Variants in LDB2 observed in about 807,000 individuals in gnomAD.
The protein encoded by LDB2 is LIM domain-binding protein 2.
Under a neutral mutation model 44.3 loss-of-function variants are expected in LDB2, and 12 were observed. The ratio of observed to expected loss-of-function variants is 0.27; its 90% CI spans 0.17 to 0.44. The LOEUF is 0.44. Among genes scored for constraint, LDB2 ranks in the 20% least tolerant of loss-of-function variants. LDB2 has a pLI of 1.00. For synonymous variants in LDB2, 164 were observed against 174.8 expected (o/e 0.94, Z 0.49); for missense variants, 344 against 473.5 (o/e 0.73, Z 2.54).
At chr4:16,599,367 C>T (rs1266745562) in intron 2 of LDB2, among the ~76,000 whole-genome samples, 2 of 152,032 alleles carry the variant, frequency 1.3e-5, no homozygotes, top group Non-Finnish European at 1.5e-5. Flanking sequence ...TGGGGCCTGG[C>T]GAGGCATCAT....
At chr4:16,585,848 G>T in intron 5 of LDB2, 74 bp downstream of exon 5, 1 of 1,081,498 alleles carries the variant, frequency 9.2e-7, no homozygotes, top group Non-Finnish European at 1.4e-6. Flanking sequence ...TTAACTTCTT[G>T]GTTCAGGATG....
chr4:16,688,204 G>C (rs996695252), intron 2 of LDB2, among the ~76,000 whole-genome samples: 2 of 152,178 alleles, frequency 1.3e-5, no homozygotes, highest in African/African-American at 2.4e-5. Flanking sequence ...CCCACAGTAG[G>C]AATACAGAAG....
intron 1 of LDB2, among the ~76,000 whole-genome samples, chr4:16,794,256 T>C (rs1375899701): frequency 6.6e-6 from 1 of 152,112 alleles, no homozygotes; most frequent in Non-Finnish European, 1.5e-5. Context: ...ATATTCTATA[T>C]CCTGAAGGTG....
At chr4:16,882,854 C>T (rs1481740890) in intron 1 of LDB2, among the ~76,000 whole-genome samples, 2 of 152,102 alleles carry the variant, frequency 1.3e-5, no homozygotes, top group African/African-American at 4.8e-5. Context: ...AGCCAACAGG[C>T]ATTAACAGTC....
At chr4:16,840,349 C>CAT (rs779204710) in intron 1 of LDB2, among the ~76,000 whole-genome samples, 9 of 152,088 alleles carry the variant, frequency 5.9e-5, no homozygotes, top group East Asian at 1.9e-4. Flanking sequence ...TAAAAAGATA[C>CAT]ATATATATAT....
intron 1 of LDB2, among the ~76,000 whole-genome samples, chr4:16,855,180 T>G (rs1224144357): frequency 6.6e-6 from 1 of 152,116 alleles, no homozygotes; most frequent in Non-Finnish European, 1.5e-5. Flanking sequence ...ACACTCACTA[T>G]TTGCCTTTTG....
intron 2 of LDB2, among the ~76,000 whole-genome samples, chr4:16,740,261 C>G (rs143417906): frequency 2.8e-4 from 43 of 152,268 alleles, no homozygotes; most frequent in African/African-American, 9.1e-4. Context: ...CAGTTTCCAT[C>G]ATTTTTTCTT....
chr4:16,785,280 C>T lies in LDB2; in HGVS notation c.133-26020G>A, dbSNP rs375335808. 1.4e-4 allele frequency among the ~76,000 whole-genome samples: 22 copies of T among 152,214 alleles called. No homozygotes were observed. In the South Asian group the frequency reaches 4.4e-3, roughly 30 times the overall value. ...GGAACACCCCAGGCCACAATTGCAT[C>T]CTAGCAGAGACTGAAGCAGGCACCA... On this transcript the variant is annotated intron_variant, in intron 1 of 7. Transcript: ENST00000304523.
At chr4:16,703,555 G>T (rs190907295) in intron 2 of LDB2, among the ~76,000 whole-genome samples, 2 of 152,136 alleles carry the variant, frequency 1.3e-5, no homozygotes, top group African/African-American at 4.8e-5. Flanking sequence ...TTGGCTGTAC[G>T]GCCCTGAGCA....
At chr4:16,560,758 C>G (rs1741822117) in intron 5 of LDB2, among the ~76,000 whole-genome samples, 1 of 152,102 alleles carries the variant, frequency 6.6e-6, no homozygotes, top group African/African-American at 2.4e-5. Flanking sequence ...GGCAGAGACA[C>G]AACCAAAAAA....
chr4:16,510,955 G>A (rs959173449), intron 6 of LDB2, among the ~76,000 whole-genome samples: 21 of 152,044 alleles, frequency 1.4e-4, no homozygotes, highest in East Asian at 5.8e-4. Context: ...TCTTATTAGC[G>A]TTAAAAGAAA....
chr4:16,751,784 A>T (rs1304868032), intron 2 of LDB2, among the ~76,000 whole-genome samples: 2 of 152,356 alleles, frequency 1.3e-5, no homozygotes, highest in East Asian at 3.9e-4. Flanking sequence ...GAGTTCTGAA[A>T]GAATGAATCC....
intron 2 of LDB2, among the ~76,000 whole-genome samples, chr4:16,694,583 C>T (rs1751650030): frequency 6.6e-6 from 1 of 152,240 alleles, no homozygotes. Context: ...TCCTGCAAGG[C>T]CTTCTTCCCT....
intron 2 of LDB2, among the ~76,000 whole-genome samples, chr4:16,732,625 T>C (rs958873545): frequency 6.6e-6 from 1 of 152,186 alleles, no homozygotes; most frequent in African/African-American, 2.4e-5. Flanking sequence ...ACAGCTATAG[T>C]TCTATATAGA....
chr4:16,591,869 C>A (rs868351588), intron 3 of LDB2, among the ~76,000 whole-genome samples: 2 of 144,824 alleles, frequency 1.4e-5, no homozygotes, highest in African/African-American at 2.5e-5. Context: ...TATCTGAAGT[C>A]GGCCTTTTTT....
At chr4:16,675,810 A>G (rs1746141236) in intron 2 of LDB2, among the ~76,000 whole-genome samples, 1 of 152,194 alleles carries the variant, frequency 6.6e-6, no homozygotes, top group Non-Finnish European at 1.5e-5. Context: ...CAACAATTCA[A>G]TTCAATGTGT....
At chr4:16,617,219 A>C (rs1296579789) in intron 2 of LDB2, among the ~76,000 whole-genome samples, 2 of 152,184 alleles carry the variant, frequency 1.3e-5, no homozygotes, top group African/African-American at 4.8e-5. Context: ...AAGATGATGG[A>C]GATCAGATGG....
intron 2 of LDB2, among the ~76,000 whole-genome samples, chr4:16,683,236 C>T (rs550282986): frequency 6.6e-6 from 1 of 152,318 alleles, no homozygotes; most frequent in East Asian, 1.9e-4. Context: ...TTGTAGATAA[C>T]TGTACAGCTG....
At chr4:16,811,604 T>C (rs892456464) in intron 1 of LDB2, among the ~76,000 whole-genome samples, 12 of 152,192 alleles carry the variant, frequency 7.9e-5, no homozygotes, top group Non-Finnish European at 1.2e-4. Context: ...TAAATGTAGT[T>C]TATCTAACCC....
Sources: allele counts gnomAD v4.1 joint callset (sites outside exome capture counted in the v4.1 genomes callset), GRCh38; gene constraint gnomAD v4.1.1; transcripts MANE v1.5; gene names NCBI Gene and HGNC (gene_info 2026-07-23, HGNC 2026-07-21).